The following SHE variants were observed in gnomAD, a reference collection of about 807,000 sequenced individuals.
SHE encodes the protein SH2 domain-containing adapter protein E.
A neutral mutation model predicts 49.8 loss-of-function variants in SHE; 11 were observed. The observed-to-expected ratio is 0.22, with a 90% CI of 0.14 to 0.37. The LOEUF is 0.37. Among genes scored for constraint, SHE ranks in the 10% least tolerant of loss-of-function variants. The pLI, the probability that SHE is intolerant of heterozygous loss-of-function variation, is 1.00. For synonymous variants in SHE, 310 were observed against 278.1 expected, an observed-to-expected ratio of 1.11 and a Z score of -1.14; for missense variants, 624 against 655.5, an observed-to-expected ratio of 0.95 and a Z score of 0.52.
intron 2 of SHE, among the ~76,000 whole-genome samples, chr1:154,497,346 T>TA (rs1409379874): frequency 6.6e-6 from 1 of 152,258 alleles, no homozygotes; most frequent in East Asian, 1.9e-4. Flanking sequence ...TGGGACCAGT[T>TA]ACTCTTCCCA....
intron 1 of SHE, among the ~76,000 whole-genome samples, chr1:154,501,008 G>A (rs1026573343): frequency 6.6e-6 from 1 of 151,700 alleles, no homozygotes; most frequent in Non-Finnish European, 1.5e-5. Flanking sequence ...ACCATTTCCT[G>A]AAGCTTTGAA....
Position 154,480,134 on chromosome 1 carries a change from A to C in SHE, c.*4015T>G. The C allele has an allele frequency of 1.0e-6, 1 of 985,472 alleles. No individual in the cohort carries two copies. The allele number at this position is 985,472 out of a possible 1,614,324, so 61.0% of individuals were successfully genotyped here. A position where few individuals can be genotyped will look rare whatever the true frequency, so the allele number is the denominator to read the frequency against. ...ACGTTAGTGGGGCACAAAAATTGGA[A>C]ATGAGAATACAGAAGAGTGATTCTA... On this transcript the variant is annotated 3_prime_UTR_variant, in exon 6 of 6. Coordinates refer to ENST00000304760, the MANE Select transcript of SHE (RefSeq NM_001010846.3).
rs765732762 is a variant in SHE at position 154,501,841 on chromosome 1, G to T, written c.186C>A (p.Gly62=). 1.6e-5 allele frequency: 24 copies of T among 1,542,202 alleles called. No homozygotes were observed. Among genetic ancestry groups the T allele is most frequent in the South Asian group, 1.2e-5 (1 of 84,802 alleles). Residue 62 remains glycine, a synonymous_variant, in exon 1 of 6, where the codon GGC becomes GGA. Coordinates refer to ENST00000304760, the MANE Select transcript of SHE (RefSeq NM_001010846.3). ...CCTCCGAGTTCTTGCGCAATTTGCC[G>T]CCGCCGCCCCCGGGCTTGGCCCGCT... is the stretch of plus-strand genomic sequence containing the variant. ...VSERAKPGGG[G]GKLRKNSEAG... is the part of the protein sequence containing the mutation.
Position 154,489,109 on chromosome 1 carries a change from C to A in SHE, c.966G>T (p.Ala322=), listed in dbSNP as rs765841759. The part of the protein sequence containing the change: ...SRLPENDERP[A]AEYEQPWEWK... Reference sequence around the variant, plus strand: ...ACTCCCATGGCTGCTCGTACTCTGCCGCGGGCCTCTCGTCGTTCTCGGGCA... The same window carrying A: ...ACTCCCATGGCTGCTCGTACTCTGCAGCGGGCCTCTCGTCGTTCTCGGGCA... Residue 322 remains alanine (A), a synonymous_variant, in exon 3 of 6, where the codon GCG becomes GCT. Transcript: ENST00000304760. 1.9e-6 allele frequency: 3 copies of A among 1,612,952 alleles called. No homozygotes were observed. Among genetic ancestry groups the A allele is most frequent in the Non-Finnish European group, 2.5e-6 (3 of 1,179,312 alleles).
chr1:154,489,942 C>G (rs780990691), intron 2 of SHE, among the ~76,000 whole-genome samples: 29 of 152,224 alleles, frequency 1.9e-4, no homozygotes, highest in Non-Finnish European at 2.5e-4. Context: ...ATGTGATCTA[C>G]TGAATGCTCA....
intron 1 of SHE, among the ~76,000 whole-genome samples, chr1:154,500,442 G>A (rs1692675603): frequency 6.6e-6 from 1 of 152,178 alleles, no homozygotes; most frequent in South Asian, 2.1e-4. Flanking sequence ...GAACAGAAGT[G>A]CCCAATGCAG....
chr1:154,500,458 C>A (rs924263642), intron 1 of SHE, among the ~76,000 whole-genome samples: 1 of 152,208 alleles, frequency 6.6e-6, no homozygotes, highest in African/African-American at 2.4e-5. Context: ...TGCAGACATA[C>A]ACAGCATGTG....
chr1:154,486,075 G>A lies in SHE; in HGVS notation c.1182-13C>T, dbSNP rs1692166620. The A allele has an allele frequency of 6.2e-7, 1 of 1,608,584 alleles. No individual in the cohort carries two copies. The highest frequency in any genetic ancestry group is 1.3e-5 in the African/African-American group (1 of 74,862). ...ACCATGATACCAGCTGAAAAATGGGGGTGGAAGAGGGGAAAGCACCATGAG... is the reference window on the plus strand; with the variant it reads ...ACCATGATACCAGCTGAAAAATGGGAGTGGAAGAGGGGAAAGCACCATGAG... On this transcript the variant is annotated splice_polypyrimidine_tract_variant and intron_variant, in intron 4 of 5. Transcript: ENST00000304760.
rs1692098048 is a variant in SHE, at chr1:154,484,107, C to T, written c.*42G>A. The T allele has an allele frequency of 1.3e-6, 2 of 1,593,620 alleles. No homozygotes were observed. Among genetic ancestry groups the T allele is most frequent in the South Asian group, 2.2e-5 (2 of 89,270 alleles). On this transcript the variant is annotated 3_prime_UTR_variant, in exon 6 of 6. Transcript: ENST00000304760. ...GATGCTGGTTGTGCGCTGATGATGC[C>T]CTTGAAGGTGCCAGAGGCCCAGGGC...
chr1:154,478,775 G>A (rs528106984), downstream of SHE, among the ~76,000 whole-genome samples: 1 of 152,284 alleles, frequency 6.6e-6, no homozygotes, highest in South Asian at 2.1e-4. Context: ...TAATTGCTCG[G>A]GTGGTGGGTG....
At position 154,484,307 on chromosome 1, in the gene SHE, C is replaced by G; in HGVS notation, c.1330G>C (p.Val444Leu). 2.5e-6 allele frequency: 4 copies of G among 1,614,128 alleles called. No individual in the cohort carries two copies. The highest frequency in any genetic ancestry group is 3.4e-6 in the Non-Finnish European group (4 of 1,179,978). ...TATTTGTTGTCTTTGGTCTGAGCCA[C>G]TATGATGTGGACACATCCTTGACTA... Reference protein sequence around the residue: ...KTSQGCVHIIVAQTKDNKYTL... With the variant: ...KTSQGCVHIILAQTKDNKYTL... The change falls in exon 6 of 6, where the codon GTG (valine) becomes CTG (leucine). Residue 444 changes from valine (V) to leucine (L), a missense_variant. Physicochemically the swap from Val to Leu is conservative, Grantham distance 32. Transcript: ENST00000304760.
Position 154,481,681 on chromosome 1 carries a change from A to G in SHE, c.*2468T>C. 1.0e-6 allele frequency: 1 copy of G among 970,514 alleles called. No individual in the cohort carries two copies. Among genetic ancestry groups the G allele is most frequent in the Non-Finnish European group, 1.2e-6 (1 of 816,338 alleles). 60.1% of individuals were successfully genotyped at this position (970,514 alleles called of 1,614,324 possible). ...AAAAACGTTTCATTTCTAGAATGTT[A>G]AACTAAAAATAAGTTTAACACAATG... On this transcript the variant is annotated 3_prime_UTR_variant, in exon 6 of 6. Transcript: ENST00000304760.
In SHE at chr1:154,480,641, G is replaced by A; in HGVS notation, c.*3508C>T. 1 of 985,328 alleles carries A rather than the reference G, an allele frequency of 1.0e-6. No homozygotes were observed. Among genetic ancestry groups the A allele is most frequent in the African/African-American group, 1.7e-5 (1 of 57,338 alleles). The allele number at this position is 985,328 out of a possible 1,614,324, so 61.0% of individuals were successfully genotyped here. ...AGACTTCCAACAGCAAAGAATAAAG[G>A]CTTTCTAAAATGCTTAAGAAAGTGC... On this transcript the variant is annotated 3_prime_UTR_variant, in exon 6 of 6. Coordinates refer to ENST00000304760, the MANE Select transcript of SHE (RefSeq NM_001010846.3).
intron 4 of SHE, 32 bp from the exon 5 acceptor site, chr1:154,486,094 C>T (rs1030575983): frequency 2.1e-5 from 33 of 1,601,166 alleles, no homozygotes; most frequent in Non-Finnish European, 8.5e-7. Context: ...GGGGAAAGCA[C>T]CATGAGTGTC....
At chr1:154,479,344 T>A, downstream of SHE, 1 of 219,736 alleles carries the variant, frequency 4.6e-6, no homozygotes, top group Non-Finnish European at 7.7e-6. Context: ...ATCTGCTGGT[T>A]ATGTTCCATC....
Position 154,489,363 on chromosome 1 carries a change from AAC to A in SHE, c.719-9_719-8del. On this transcript the variant is annotated splice_polypyrimidine_tract_variant and splice_region_variant and intron_variant, in intron 2 of 5. Coordinates refer to ENST00000304760, the MANE Select transcript of SHE (RefSeq NM_001010846.3). ...GAACCCCGTCGTCTAATTTCTGAAAAACACACACCATTTCTGAAAAACACACA... is the reference window on the plus strand; with the variant it reads ...GAACCCCGTCGTCTAATTTCTGAAAAACACACCATTTCTGAAAAACACACA... 6.2e-7 allele frequency: 1 copy of A among 1,609,448 alleles called. No homozygotes were observed. The highest frequency in any genetic ancestry group is 8.5e-7 in the Non-Finnish European group (1 of 1,177,738).
rs1692048298 is a variant in SHE, at chr1:154,482,515, T to C, written c.*1634A>G. 1 of 985,420 alleles carries C rather than the reference T, an allele frequency of 1.0e-6. No homozygotes were observed. The highest frequency in any genetic ancestry group is 1.2e-6 in the Non-Finnish European group (1 of 829,902). The allele number at this position is 985,420 out of a possible 1,614,324, so 61.0% of individuals were successfully genotyped here. A position where few individuals can be genotyped will look rare whatever the true frequency, so the allele number is the denominator to read the frequency against. On this transcript the variant is annotated 3_prime_UTR_variant, in exon 6 of 6. Coordinates refer to ENST00000304760, the MANE Select transcript of SHE (RefSeq NM_001010846.3). ...CCTAAAAAATTAACCAAATCAACAT[T>C]TTGTGTGTATTTATAAGCTACAAAG... is the stretch of plus-strand genomic sequence containing the variant.
downstream of SHE, among the ~76,000 whole-genome samples, chr1:154,476,088 A>G (rs558573997): frequency 1.4e-3 from 208 of 152,340 alleles, no homozygotes; most frequent in Middle Eastern, 6.8e-3. Context: ...GCTCACACCT[A>G]CAATCCTTGT....
chr1:154,482,897 G>T lies in SHE; in HGVS notation c.*1252C>A, dbSNP rs1028394605. 2 of 984,994 alleles carry T rather than the reference G, an allele frequency of 2.0e-6. No homozygotes were observed. The highest frequency in any genetic ancestry group is 3.5e-5 in the African/African-American group (2 of 57,160). The allele number at this position is 984,994 out of a possible 1,614,324, so 61.0% of individuals were successfully genotyped here. ...CCAGTTCATATAATCAGATCTTAGG[G>T]TTGCATTTTTAAAAAATTTACTACA... On this transcript the variant is annotated 3_prime_UTR_variant, in exon 6 of 6. Transcript: ENST00000304760.
Sources: allele counts gnomAD v4.1 joint callset (sites outside exome capture counted in the v4.1 genomes callset), GRCh38; gene constraint gnomAD v4.1.1; transcripts MANE v1.5; gene names NCBI Gene and HGNC (gene_info 2026-07-23, HGNC 2026-07-21).